TSPAN14: variants seen among roughly 807,000 people sequenced by gnomAD.
TSPAN14 encodes the protein tetraspanin 14.
In TSPAN14, 16 loss-of-function variants were observed where a neutral mutation model predicts 36.6. The ratio of observed to expected loss-of-function variants is 0.44; its 90% confidence interval spans 0.30 to 0.66. The LOEUF (loss-of-function observed/expected upper bound fraction) is 0.66, where lower values mean the gene tolerates loss of function less well. Among genes scored for constraint, TSPAN14 ranks in the 30% least tolerant of loss-of-function variants. TSPAN14 has a pLI of 0.12. For synonymous variants in TSPAN14, 139 were observed against 143.8 expected (o/e 0.97, Z 0.24); for missense variants, 231 against 355.1 (o/e 0.65, Z 2.81).
intron 7 of TSPAN14, chr10:80,515,758 C>G (rs1840905632): frequency 6.0e-6 from 1 of 166,054 alleles, no homozygotes; most frequent in African/African-American, 2.4e-5. Flanking sequence ...CCTGCTGGCT[C>G]TGTCTCCTGG....
intron 1 of TSPAN14, among the ~76,000 whole-genome samples, chr10:80,471,833 C>T (rs1390200969): frequency 6.6e-6 from 1 of 152,178 alleles, no homozygotes; most frequent in Non-Finnish European, 1.5e-5. Context: ...AGGTGTTGCC[C>T]TGAGGCTGCT....
intron 2 of TSPAN14, among the ~76,000 whole-genome samples, chr10:80,501,587 G>A (rs1848529097): frequency 6.6e-6 from 1 of 152,208 alleles, no homozygotes; most frequent in South Asian, 2.1e-4. Context: ...TGGCCCCACA[G>A]GATGAGCGGA....
intron 1 of TSPAN14, among the ~76,000 whole-genome samples, chr10:80,477,269 C>T (rs1185782894): frequency 6.6e-6 from 1 of 152,206 alleles, no homozygotes; most frequent in Non-Finnish European, 1.5e-5. Flanking sequence ...TGTGCCAAGT[C>T]ACTTTTGCCC....
At chr10:80,501,349 C>T (rs538281853) in intron 2 of TSPAN14, among the ~76,000 whole-genome samples, 3 of 148,268 alleles carry the variant, frequency 2.0e-5, no homozygotes, top group South Asian at 4.3e-4. Context: ...TGGTCTTGAA[C>T]GCCTGGGCTC....
intron 1 of TSPAN14, among the ~76,000 whole-genome samples, chr10:80,474,437 T>C (rs1341344523): frequency 1.3e-5 from 2 of 149,464 alleles, no homozygotes; most frequent in African/African-American, 5.0e-5. Context: ...CATGAGGAAC[T>C]GACCTGTGCC....
rs753017861 is a variant in TSPAN14, at chr10:80,513,538, C to T, written c.577-481C>T. Among the ~76,000 whole-genome samples the T allele has an allele frequency of 4.9e-4, 75 of 152,238 alleles. 1 individual carries two copies. Among genetic ancestry groups the T allele is most frequent in the Admixed American group, 3.7e-3 (57 of 15,290 alleles). ...TGCTTTTAGCACATATAGTTCTTAC[C>T]TCCAAGTATAGGTCTTACCTCCTAG... On this transcript the variant is annotated intron_variant, in intron 6 of 8. Transcript: ENST00000429989.
intron 1 of TSPAN14, among the ~76,000 whole-genome samples, chr10:80,473,786 C>G (rs9665678): frequency 0.14 from 21,472 of 150,746 alleles, 1,807 homozygotes; most frequent in South Asian, 0.28. Flanking sequence ...TTCTGGTGGC[C>G]CCTGGATTTG....
At chr10:80,511,506 G>A (rs550368989) in intron 5 of TSPAN14, among the ~76,000 whole-genome samples, 1 of 152,212 alleles carries the variant, frequency 6.6e-6, no homozygotes, top group South Asian at 2.1e-4. Context: ...CTGGAAGGAG[G>A]CGTCTCCTTT....
chr10:80,510,898 TAAAAC>T (rs928845487), intron 5 of TSPAN14, among the ~76,000 whole-genome samples: 15 of 151,920 alleles, frequency 9.9e-5, no homozygotes, highest in East Asian at 3.9e-4. Context: ...ATAAATAAAT[TAAAAC>T]AAAACAAAAC....
Position 80,486,611 on chromosome 10 carries a change from C to G in TSPAN14, c.-17-2606C>G, listed in dbSNP as rs78355602. Among the ~76,000 whole-genome samples the G allele has an allele frequency of 5.2e-3, 785 of 152,288 alleles. 5 individuals carry two copies. Among genetic ancestry groups the G allele is most frequent in the South Asian group, 0.011 (53 of 4,820 alleles). Reference sequence around the variant, plus strand: ...TCCCAAGGCATTGGATTCCATGGCTCGCACCAGCCCTCCTTAGTTCCTGAG... The same window carrying G: ...TCCCAAGGCATTGGATTCCATGGCTGGCACCAGCCCTCCTTAGTTCCTGAG... On this transcript the variant is annotated intron_variant, in intron 1 of 8. Coordinates refer to ENST00000429989, the Ensembl canonical transcript of TSPAN14.
rs1564745276 is a variant in TSPAN14, at chr10:80,511,762, CT to C, written c.451-381del. ...TCTCTCTCTCTCTCTCTCTCTCTCT[CT>C]CTCTCTCTCCCCTTTTTTCTTTCTC... On this transcript the variant is annotated intron_variant, in intron 5 of 8. Transcript: ENST00000429989. Among the ~76,000 whole-genome samples, 95 of 133,634 alleles carry C rather than the reference CT, an allele frequency of 7.1e-4. 2 individuals are homozygous for C. The highest frequency in any genetic ancestry group is 1.0e-3 in the African/African-American group (33 of 32,946). The allele number at this position is 133,634 out of a possible 152,430, so 87.7% of individuals were successfully genotyped here. A position where few individuals can be genotyped will look rare whatever the true frequency, so the allele number is the denominator to read the frequency against.
At chr10:80,467,242 C>T (rs777443268) in intron 1 of TSPAN14, among the ~76,000 whole-genome samples, 2 of 152,118 alleles carry the variant, frequency 1.3e-5, no homozygotes, top group Non-Finnish European at 2.9e-5. Flanking sequence ...CTTGTTGTGG[C>T]CAAGAGCTGT....
At chr10:80,483,632 G>A (rs1466544132) in intron 1 of TSPAN14, among the ~76,000 whole-genome samples, 1 of 151,998 alleles carries the variant, frequency 6.6e-6, no homozygotes, top group Admixed American at 6.5e-5. Context: ...AAGTAGGCCG[G>A]GTATGGTGGC....
chr10:80,501,832 T>G (rs1257818195), intron 2 of TSPAN14, among the ~76,000 whole-genome samples: 1 of 152,312 alleles, frequency 6.6e-6, no homozygotes, highest in East Asian at 1.9e-4. Context: ...AGGCAAGCAC[T>G]GTCCTGGTCT....
chr10:80,502,865 G>A (rs1322354506), intron 2 of TSPAN14, among the ~76,000 whole-genome samples: 1 of 152,122 alleles, frequency 6.6e-6, no homozygotes, highest in Non-Finnish European at 1.5e-5. Flanking sequence ...TCAGGGCAGG[G>A]TGAAGGAGCT....
intron 2 of TSPAN14, among the ~76,000 whole-genome samples, chr10:80,500,316 T>C (rs1181235761): frequency 9.9e-5 from 1 of 10,140 alleles, no homozygotes; most frequent in Admixed American, 1.2e-3. Flanking sequence ...GCCTTATTCT[T>C]TTTTTTTTTT....
chr10:80,516,681 A>G (rs915691493), intron 8 of TSPAN14, among the ~76,000 whole-genome samples: 2 of 152,178 alleles, frequency 1.3e-5, no homozygotes, highest in Non-Finnish European at 2.9e-5. Context: ...GGGGTGGGCC[A>G]TCAAGTGCTG....
rs547708027 is a variant in TSPAN14, at chr10:80,464,967, A to C, written c.-18+10596A>C. On this transcript the variant is annotated intron_variant, in intron 1 of 8. Transcript: ENST00000429989. ...AGCCCTTTATGCTTAATAGAGGTCCATTTGCAGACAGCCTTGAGCCACTCC... is the reference window on the plus strand; with the variant it reads ...AGCCCTTTATGCTTAATAGAGGTCCCTTTGCAGACAGCCTTGAGCCACTCC... 3.9e-5 allele frequency among the ~76,000 whole-genome samples: 6 copies of C among 152,260 alleles called. No homozygotes were observed. In the East Asian group the frequency reaches 9.7e-4, roughly 25 times the overall value.
In TSPAN14 at chr10:80,484,087, A is replaced by G. The variant is rs765766661; in HGVS notation, c.-17-5130A>G. On this transcript the variant is annotated intron_variant, in intron 1 of 8. Transcript: ENST00000429989. Reference sequence around the variant, plus strand: ...TGATGAAACCCCGTTTGTACAAAAAATACAAAAATTAGCCAGGCCTGGTGG... The same window carrying G: ...TGATGAAACCCCGTTTGTACAAAAAGTACAAAAATTAGCCAGGCCTGGTGG... Among the ~76,000 whole-genome samples, 118 of 151,914 alleles carry G rather than the reference A, an allele frequency of 7.8e-4. No homozygotes were observed. In the Middle Eastern group the frequency reaches 0.014, roughly 18 times the overall value.
Sources: gnomAD v4.1 joint callset for allele counts (sites outside exome capture counted in the v4.1 genomes callset) on GRCh38, gnomAD v4.1.1 for gene constraint, MANE v1.5 for transcripts, NCBI Gene and HGNC (gene_info 2026-07-23, HGNC 2026-07-21) for gene names.